The following NOS1 variants were observed in gnomAD, a reference collection of about 807,000 sequenced individuals.
The protein encoded by NOS1 is nitric oxide synthase 1, also known as NOS type I.
Under a neutral mutation model 164.5 loss-of-function variants are expected in NOS1, and 51 were observed. That is an observed-to-expected ratio of 0.31 (90% CI 0.25 to 0.39). NOS1 has a LOEUF of 0.39. Ranked by LOEUF, NOS1 falls within the 10% of genes least tolerant of loss-of-function variation. NOS1 has a pLI of 1.00. For missense variants in NOS1, 1,362 were observed against 1,885.6 expected (o/e 0.72, Z 5.14); for synonymous variants, 719 against 745.8 (o/e 0.96, Z 0.59).
chr12:117,308,558 A>AC lies in NOS1; in HGVS notation c.852+2907_852+2908insG, dbSNP rs562054624. On this transcript the variant is annotated intron_variant, in intron 3 of 28. Coordinates refer to ENST00000317775, the MANE Select transcript of NOS1 (RefSeq NM_000620.5). ...TCTCTAAAAAACAACAAACAAACAAAAAAAAAACAGCGTATAGGCGCAATG... is the reference window on the plus strand; with the variant it reads ...TCTCTAAAAAACAACAAACAAACAAACAAAAAAACAGCGTATAGGCGCAATG... Among the ~76,000 whole-genome samples the AC allele has an allele frequency of 3.0e-3, 449 of 152,046 alleles. 2 individuals carry two copies. Among genetic ancestry groups the AC allele is most frequent in the African/African-American group, 9.8e-3 (406 of 41,448 alleles).
In NOS1 at chr12:117,213,925, C is replaced by G; in HGVS notation, c.*1384G>C. ...GCCTCTTAGGGAGGAATTACACCGG[C>G]TCCAATTCCTACCGAAGACTTGGCT... On this transcript the variant is annotated 3_prime_UTR_variant, in exon 29 of 29. Coordinates refer to ENST00000317775, the MANE Select transcript of NOS1 (RefSeq NM_000620.5). 4.1e-6 allele frequency: 4 copies of G among 985,442 alleles called. No individual in the cohort carries two copies. The highest frequency in any genetic ancestry group is 4.8e-6 in the Non-Finnish European group (4 of 829,934). The allele number at this position is 985,442 out of a possible 1,614,324, so 61.0% of individuals were successfully genotyped here.
intron 24 of NOS1, among the ~76,000 whole-genome samples, chr12:117,225,642 T>G (rs562362902): frequency 6.6e-6 from 1 of 152,258 alleles, no homozygotes; most frequent in African/African-American, 2.4e-5. Flanking sequence ...CTTTCTTTTT[T>G]TTTGAGACGA....
intron 10 of NOS1, among the ~76,000 whole-genome samples, chr12:117,269,745 C>T (rs569561906): frequency 2.0e-5 from 3 of 152,230 alleles, no homozygotes; most frequent in Admixed American, 6.5e-5. Flanking sequence ...GGATTACAGG[C>T]GTGAGCCGCT....
chr12:117,258,525 G>T, intron 15 of NOS1, 70 bp from the exon 16 acceptor site: 1 of 1,503,054 alleles, frequency 6.7e-7, no homozygotes, highest in Non-Finnish European at 9.2e-7. Context: ...GATACTGAGG[G>T]TCTGGGGTCC....
rs1872881021 is a variant in NOS1 at position 117,272,670 on chromosome 12, G to A, written c.1665-111C>T. Reference sequence around the variant, plus strand: ...GGATGGACTGGGACTGACAAGGTCAGAATATGGTTCCTGGGCCCTGCTTCA... The same window carrying A: ...GGATGGACTGGGACTGACAAGGTCAAAATATGGTTCCTGGGCCCTGCTTCA... On this transcript the variant is annotated intron_variant, in intron 9 of 28. Transcript: ENST00000317775. The surrounding 1 kb of genome is among the most constrained non-coding windows in gnomAD (Gnocchi z 4.3). The A allele has an allele frequency of 9.9e-7, 1 of 1,012,398 alleles. No individual in the cohort carries two copies. The highest frequency in any genetic ancestry group is 1.6e-5 in the African/African-American group (1 of 61,820). 62.7% of individuals were successfully genotyped at this position (1,012,398 alleles called of 1,614,324 possible).
chr12:117,291,341 T>C (rs1873040954), intron 3 of NOS1, among the ~76,000 whole-genome samples: 1 of 152,150 alleles, frequency 6.6e-6, no homozygotes, highest in African/African-American at 2.4e-5. Context: ...CCTTTGCACT[T>C]ACCGTCCCCT....
chr12:117,310,848 C>T (rs1251375127), intron 3 of NOS1, among the ~76,000 whole-genome samples: 1 of 151,980 alleles, frequency 6.6e-6, no homozygotes, highest in Non-Finnish European at 1.5e-5. Context: ...GAGATAGGGT[C>T]TCGCTATGTA....
At position 117,211,251 on chromosome 12, in the gene NOS1, C is replaced by G; in HGVS notation, c.*4058G>C. The G allele has an allele frequency of 1.0e-6, 1 of 985,424 alleles. No homozygotes were observed. Among genetic ancestry groups the G allele is most frequent in the Non-Finnish European group, 1.2e-6 (1 of 829,958 alleles). The allele number at this position is 985,424 out of a possible 1,614,324, so 61.0% of individuals were successfully genotyped here. On this transcript the variant is annotated 3_prime_UTR_variant, in exon 29 of 29. Transcript: ENST00000317775. ...GGGATTACAGACATGAGCTACCGCG[C>G]CCAGCCTGCAAGATGCTTTAATTTC... is the stretch of plus-strand genomic sequence containing the variant.
Position 117,227,610 on chromosome 12 carries a change from C to T in NOS1, c.3437G>A (p.Gly1146Asp). The change falls in exon 23 of 29, where the codon GGC becomes GAC. Residue 1146 changes from glycine to aspartate, a missense_variant. Around this residue, in one of 4 missense-constraint regions of NOS1, gnomAD observed 737 missense variants for 1,030.3 expected, o/e 0.72. Coordinates refer to ENST00000317775, the MANE Select transcript of NOS1 (RefSeq NM_000620.5). ...CACCTCCACGATGGTGGGGTTCTTG[C>T]CCCATTTCCATTCCTCGTACTCCTG... ...GLQEYEEWKW[G>D]KNPTIVEVLE... The T allele has an allele frequency of 5.0e-6, 8 of 1,614,038 alleles. No homozygotes were observed. Among genetic ancestry groups the T allele is most frequent in the Non-Finnish European group, 6.8e-6 (8 of 1,179,946 alleles).
chr12:117,349,031 T>C (rs1469164902), intron 1 of NOS1, among the ~76,000 whole-genome samples: 1 of 152,248 alleles, frequency 6.6e-6, no homozygotes, highest in Non-Finnish European at 1.5e-5. Context: ...AAGAAACTCG[T>C]TGTACCATAT....
At chr12:117,298,555 G>A (rs1223771901) in intron 3 of NOS1, among the ~76,000 whole-genome samples, 4 of 152,144 alleles carry the variant, frequency 2.6e-5, no homozygotes, top group Non-Finnish European at 5.9e-5. Context: ...GGCTTTCTTT[G>A]GAGTTAGGGC....
In NOS1 at chr12:117,337,104, CTCTTTTTT is replaced by C. The variant is rs1441307710; in HGVS notation, c.-420-5623_-420-5616del. Reference sequence around the variant, plus strand: ...AGCCACTGTACCCAGCTGCTTTTTACTCTTTTTTTTTTTTTTTTTTTTTTTTTTTGAGA... The same window carrying C: ...AGCCACTGTACCCAGCTGCTTTTTACTTTTTTTTTTTTTTTTTTTTTGAGA... On this transcript the variant is annotated intron_variant, in intron 1 of 28. Transcript: ENST00000317775. Among the ~76,000 whole-genome samples, 24 of 94,126 alleles carry C rather than the reference CTCTTTTTT, an allele frequency of 2.5e-4. No individual in the cohort carries two copies. In the East Asian group the frequency reaches 7.0e-3, roughly 28 times the overall value. The allele number at this position is 94,126 out of a possible 152,430, so 61.8% of individuals were successfully genotyped here.
intron 7 of NOS1, among the ~76,000 whole-genome samples, chr12:117,281,442 C>T (rs1192585098): frequency 2.1e-5 from 3 of 142,112 alleles, no homozygotes; most frequent in African/African-American, 7.8e-5. Flanking sequence ...ATCGCTTGAA[C>T]CTGGGAGGCA....
rs117205464 is a variant in NOS1, at chr12:117,240,467, T to C, written c.3041+2160A>G. Among the ~76,000 whole-genome samples the C allele has an allele frequency of 8.7e-3, 1,323 of 152,314 alleles. 7 individuals carry two copies. The highest frequency in any genetic ancestry group is 0.013 in the Non-Finnish European group (917 of 68,020). On this transcript the variant is annotated intron_variant, in intron 20 of 28. Coordinates refer to ENST00000317775, the MANE Select transcript of NOS1 (RefSeq NM_000620.5). ...GATATGCTAGTTGTTTTATGTAGCT[T>C]ATTTTTAATACTCAGCAGCCTTGCA...
chr12:117,225,848 C>T (rs538134980), intron 24 of NOS1, among the ~76,000 whole-genome samples: 9 of 152,234 alleles, frequency 5.9e-5, no homozygotes, highest in African/African-American at 2.2e-4. Flanking sequence ...AGGCTGGTCT[C>T]GAACTCCTGA....
chr12:117,234,416 G>C lies in NOS1; in HGVS notation c.3235+149C>G, dbSNP rs902492838. 1.3e-6 allele frequency: 1 copy of C among 760,310 alleles called. No individual in the cohort carries two copies. The highest frequency in any genetic ancestry group is 2.0e-6 in the Non-Finnish European group (1 of 488,776). The allele number at this position is 760,310 out of a possible 1,614,324, so 47.1% of individuals were successfully genotyped here. A position where few individuals can be genotyped will look rare whatever the true frequency, so the allele number is the denominator to read the frequency against. ...GCCAAGGTTGATCAGTCATGAGAAA[G>C]GGGGATATCTTTAGTCTCATAGGCT... is the stretch of plus-strand genomic sequence containing the variant. On this transcript the variant is annotated intron_variant, in intron 21 of 28. Transcript: ENST00000317775. The surrounding 1 kb of genome is among the most constrained non-coding windows in gnomAD (Gnocchi z 4.3).
intron 28 of NOS1, among the ~76,000 whole-genome samples, chr12:117,216,234 G>A (rs1202554156): frequency 1.3e-5 from 2 of 149,672 alleles, no homozygotes; most frequent in African/African-American, 4.9e-5. Flanking sequence ...CCAGGCTGGA[G>A]TGCAGTGGCG....
In NOS1 at chr12:117,211,115, C is replaced by T. The variant is rs530723310; in HGVS notation, c.*4194G>A. 7.4e-4 allele frequency: 436 copies of T among 587,150 alleles called. 4 individuals are homozygous for T. The African/African-American group carries it at 8.4e-3, about 11-fold the overall frequency. 36.4% of individuals were successfully genotyped at this position (587,150 alleles called of 1,614,324 possible). A position where few individuals can be genotyped will look rare whatever the true frequency, so the allele number is the denominator to read the frequency against. ...GAGACTACAGGCGCATGCCACCATG[C>T]CCAGCTAATTTTTGTATTTTCTTAG... is the stretch of plus-strand genomic sequence containing the variant. On this transcript the variant is annotated 3_prime_UTR_variant, in exon 29 of 29. Coordinates refer to ENST00000317775, the MANE Select transcript of NOS1 (RefSeq NM_000620.5).
At chr12:117,271,836 C>T (rs370552734) in intron 10 of NOS1, among the ~76,000 whole-genome samples, 1 of 152,158 alleles carries the variant, frequency 6.6e-6, no homozygotes, top group Non-Finnish European at 1.5e-5. Context: ...TGACTCAGCC[C>T]GGGAGGGAAT....
Sources: allele counts gnomAD v4.1 joint callset (sites outside exome capture counted in the v4.1 genomes callset), GRCh38; gene constraint gnomAD v4.1.1; regional missense constraint gnomAD v4.1.1; non-coding constraint Gnocchi (gnomAD v3.1); transcripts MANE v1.5; gene names NCBI Gene and HGNC (gene_info 2026-07-23, HGNC 2026-07-21).